The following SLF1 variants were observed in gnomAD, a reference collection of about 807,000 sequenced individuals.
SLF1 encodes the protein SMC5-SMC6 complex localization factor protein 1.
Under a neutral mutation model 123.0 loss-of-function variants are expected in SLF1, and 105 were observed. The observed-to-expected ratio is 0.85, with a 90% confidence interval of 0.73 to 1.00. SLF1 has a LOEUF of 1.00. Among genes scored for constraint, SLF1 ranks in the 50% least tolerant of loss-of-function variants. The pLI, the probability that SLF1 is intolerant of heterozygous loss-of-function variation, is 0.00. For missense variants in SLF1, 1,239 were observed against 1,223.0 expected, an observed-to-expected ratio of 1.01 and a Z score of -0.20; for synonymous variants, 434 against 406.6, an observed-to-expected ratio of 1.07 and a Z score of -0.81.
intron 14 of SLF1, among the ~76,000 whole-genome samples, chr5:94,677,502 T>G (rs1244519086): frequency 6.6e-6 from 1 of 152,198 alleles, no homozygotes; most frequent in Non-Finnish European, 1.5e-5. Context: ...TATTATGTTA[T>G]TTAAGCATAA....
At chr5:94,690,338 G>A (rs1324548949) in intron 18 of SLF1, among the ~76,000 whole-genome samples, 1 of 152,056 alleles carries the variant, frequency 6.6e-6, no homozygotes, top group Non-Finnish European at 1.5e-5. Context: ...TGACAGTGAA[G>A]CACTTATATT....
chr5:94,679,039 CAT>C (rs1177205244), intron 15 of SLF1, 84 bp downstream of exon 15: 3 of 1,466,270 alleles, frequency 2.0e-6, no homozygotes, highest in Admixed American at 2.0e-5. Context: ...TAAGCTTTAA[CAT>C]ATGTTCATTT....
At chr5:94,671,601 T>C (rs1483446981) in intron 14 of SLF1, among the ~76,000 whole-genome samples, 2 of 151,612 alleles carry the variant, frequency 1.3e-5, no homozygotes, top group African/African-American at 2.4e-5. Flanking sequence ...TTTGGAATTA[T>C]ATTATCTCCT....
At chr5:94,694,756 A>G in intron 20 of SLF1, 75 bp from the exon 21 acceptor site, 1 of 1,498,544 alleles carries the variant, frequency 6.7e-7, no homozygotes, top group Non-Finnish European at 8.9e-7. Context: ...TGCTTTGGGA[A>G]AAAGGAGAAA....
At chr5:94,653,674 A>G (rs1201851802) in intron 8 of SLF1, among the ~76,000 whole-genome samples, 3 of 152,218 alleles carry the variant, frequency 2.0e-5, no homozygotes, top group African/African-American at 7.2e-5. Flanking sequence ...TAAGAAAAAG[A>G]AACTGGAAAA....
At chr5:94,675,913 T>C (rs1219450567) in intron 14 of SLF1, among the ~76,000 whole-genome samples, 1 of 151,262 alleles carries the variant, frequency 6.6e-6, no homozygotes. Flanking sequence ...GATTTTTTTT[T>C]TTTTTTTTTT....
rs1241680915 is a variant in SLF1, at chr5:94,630,848, T to C, written c.431+105T>C. The stretch of plus-strand genomic sequence containing the variant: ...TGCAATTATTAGCCCAAATGAGCCA[T>C]GGTGATTTACTCCAATCTCCTAGGT... On this transcript the variant is annotated intron_variant, in intron 4 of 20. Transcript: ENST00000265140. 8.6e-6 allele frequency: 11 copies of C among 1,282,538 alleles called. 1 individual carries two copies. The highest frequency in any genetic ancestry group is 2.6e-5 in the Admixed American group (1 of 38,912). 79.4% of individuals were successfully genotyped at this position (1,282,538 alleles called of 1,614,324 possible).
intron 1 of SLF1, among the ~76,000 whole-genome samples, chr5:94,625,131 T>C (rs993465202): frequency 4.6e-5 from 7 of 150,624 alleles, no homozygotes; most frequent in African/African-American, 1.7e-4. Flanking sequence ...AGGCGGAGCT[T>C]GCAGTGAGCT....
intron 14 of SLF1, among the ~76,000 whole-genome samples, chr5:94,672,023 T>TA (rs1256218740): frequency 6.6e-6 from 1 of 152,120 alleles, no homozygotes; most frequent in Non-Finnish European, 1.5e-5. Context: ...CATATAAGAC[T>TA]AGGAACCAGA....
At chr5:94,682,023 T>C (rs1339095125) in intron 15 of SLF1, among the ~76,000 whole-genome samples, 2 of 152,122 alleles carry the variant, frequency 1.3e-5, no homozygotes, top group African/African-American at 2.4e-5. Context: ...TGTGCATGTG[T>C]GTGTGTGTGC....
chr5:94,689,475 A>C lies in SLF1; in HGVS notation c.2288A>C (p.Asp763Ala), dbSNP rs1324425839. 7 of 1,611,394 alleles carry C rather than the reference A, an allele frequency of 4.3e-6. No homozygotes were observed. The highest frequency in any genetic ancestry group is 5.1e-6 in the Non-Finnish European group (6 of 1,178,990). The change falls in exon 18 of 21, where the codon GAC (aspartate) becomes GCC (alanine). Residue 763 changes from aspartate (D) to alanine (A), a missense_variant and splice_region_variant. By Grantham distance (126) the Asp-to-Ala change is moderately radical (BLOSUM62 -2). Transcript: ENST00000265140. ...KQVEGLPELL[D>A]LNLAKCSSSL... ...TTATTTCTTACTTTTCCTTTCAGAG[A>C]CCTGAACCTTGCTAAATGTTCCTCA... is the stretch of plus-strand genomic sequence containing the variant.
intron 1 of SLF1, among the ~76,000 whole-genome samples, chr5:94,621,768 G>A (rs930798950): frequency 4.0e-5 from 6 of 151,834 alleles, no homozygotes; most frequent in African/African-American, 1.5e-4. Flanking sequence ...TCCTTCTAGC[G>A]CTAAATTTGT....
intron 14 of SLF1, among the ~76,000 whole-genome samples, chr5:94,675,353 T>G (rs1404321843): frequency 6.6e-6 from 1 of 152,252 alleles, no homozygotes; most frequent in Non-Finnish European, 1.5e-5. Context: ...TTTTATTTCT[T>G]TGTTAATTCT....
intron 4 of SLF1, among the ~76,000 whole-genome samples, chr5:94,631,811 C>CAT (rs1745225616): frequency 6.6e-6 from 1 of 152,038 alleles, no homozygotes; most frequent in South Asian, 2.1e-4. Context: ...ATGTGTGTAA[C>CAT]ATTATAAGAA....
intron 1 of SLF1, among the ~76,000 whole-genome samples, chr5:94,620,902 G>C (rs1348044049): frequency 6.6e-6 from 1 of 151,998 alleles, no homozygotes; most frequent in African/African-American, 2.4e-5. Context: ...TTTTTGAGGA[G>C]GAAGAAAGAC....
At chr5:94,661,039 G>C (rs1312589195) in intron 9 of SLF1, among the ~76,000 whole-genome samples, 1 of 152,182 alleles carries the variant, frequency 6.6e-6, no homozygotes, top group African/African-American at 2.4e-5. Flanking sequence ...CTTAGGCACT[G>C]TTGGGCCACA....
chr5:94,658,165 T>TTG (rs1748644305), intron 9 of SLF1, among the ~76,000 whole-genome samples: 1 of 151,282 alleles, frequency 6.6e-6, no homozygotes, highest in Non-Finnish European at 1.5e-5. Flanking sequence ...GTTTTTTGTT[T>TTG]TTTTTTTTTT....
intron 5 of SLF1, among the ~76,000 whole-genome samples, chr5:94,644,578 C>T (rs1174028896): frequency 1.3e-5 from 2 of 152,288 alleles, no homozygotes; most frequent in East Asian, 3.9e-4. Flanking sequence ...AACTCAGTGT[C>T]TTCTCAAAAG....
chr5:94,645,982 G>A (rs80155238), intron 5 of SLF1, among the ~76,000 whole-genome samples: 3,796 of 152,308 alleles, frequency 0.025, 74 homozygotes, highest in Non-Finnish European at 0.033. Context: ...CAAGCCAGGC[G>A]TGGTGGTTCT....
Sources: gnomAD v4.1 joint callset for allele counts (sites outside exome capture counted in the v4.1 genomes callset) on GRCh38, gnomAD v4.1.1 for gene constraint, MANE v1.5 for transcripts, NCBI Gene and HGNC (gene_info 2026-07-23, HGNC 2026-07-21) for gene names.